The following KCNH7 variants were observed in gnomAD, a reference collection of about 807,000 sequenced individuals.
The protein encoded by KCNH7 is potassium voltage-gated channel subfamily H member 7.
In KCNH7, 49 loss-of-function variants were observed where a neutral mutation model predicts 120.8. The ratio of observed to expected loss-of-function variants is 0.41; its 90% CI spans 0.32 to 0.51. KCNH7 has a LOEUF of 0.51. Among genes scored for constraint, KCNH7 ranks in the 20% least tolerant of loss-of-function variants. KCNH7 has a pLI of 0.38. For missense variants in KCNH7, 1,097 were observed against 1,446.6 expected, an observed-to-expected ratio of 0.76 and a Z score of 3.92; for synonymous variants, 547 against 516.1, an observed-to-expected ratio of 1.06 and a Z score of -0.81.
chr2:162,470,264 G>A (rs1213565370), intron 6 of KCNH7, among the ~76,000 whole-genome samples: 1 of 151,932 alleles, frequency 6.6e-6, no homozygotes, highest in Non-Finnish European at 1.5e-5. Flanking sequence ...GAAGTGAGGA[G>A]CGTCTCTGCC....
intron 2 of KCNH7, among the ~76,000 whole-genome samples, chr2:162,801,343 A>G (rs1684342002): frequency 6.6e-6 from 1 of 151,808 alleles, no homozygotes. Flanking sequence ...CAGGAATAGC[A>G]ATTCTCAACA....
chr2:162,786,114 G>A (rs977483434), intron 2 of KCNH7, among the ~76,000 whole-genome samples: 3 of 151,886 alleles, frequency 2.0e-5, no homozygotes, highest in Non-Finnish European at 2.9e-5. Flanking sequence ...ATGGTGGTGT[G>A]TGCCTGTAAT....
chr2:162,472,965 G>A (rs548144528), intron 6 of KCNH7, among the ~76,000 whole-genome samples: 11 of 152,086 alleles, frequency 7.2e-5, no homozygotes, highest in South Asian at 4.2e-4. Context: ...GCAAAGTATC[G>A]CAAGGACAAA....
intron 9 of KCNH7, among the ~76,000 whole-genome samples, chr2:162,411,445 T>C (rs1372006381): frequency 6.6e-6 from 1 of 151,892 alleles, no homozygotes; most frequent in Non-Finnish European, 1.5e-5. Context: ...CAATAGACAT[T>C]GAGGACTGCT....
chr2:162,391,014 T>A (rs1686729737), intron 12 of KCNH7, among the ~76,000 whole-genome samples: 1 of 151,802 alleles, frequency 6.6e-6, no homozygotes, highest in Admixed American at 6.6e-5. Flanking sequence ...AGCCGGCAAA[T>A]TTGCATTGTT....
intron 2 of KCNH7, among the ~76,000 whole-genome samples, chr2:162,590,015 A>G (rs1182017884): frequency 6.6e-6 from 1 of 152,118 alleles, no homozygotes; most frequent in African/African-American, 2.4e-5. Flanking sequence ...ATGGAAAATT[A>G]GATTATTTTA....
chr2:162,671,699 A>G (rs1432980088), intron 2 of KCNH7, among the ~76,000 whole-genome samples: 1 of 152,058 alleles, frequency 6.6e-6, no homozygotes, highest in Non-Finnish European at 1.5e-5. Context: ...CATGACATGC[A>G]CAACTGTAGC....
At chr2:162,740,587 C>T (rs35493094) in intron 2 of KCNH7, among the ~76,000 whole-genome samples, 3,237 of 152,222 alleles carry the variant, frequency 0.021, 70 homozygotes, top group East Asian at 0.11. Flanking sequence ...ACAGTCATAC[C>T]GTGCTCAACA....
chr2:162,432,626 A>T (rs1165005405), intron 8 of KCNH7, among the ~76,000 whole-genome samples: 3 of 152,052 alleles, frequency 2.0e-5, no homozygotes, highest in African/African-American at 7.2e-5. Context: ...TTTCCTGATT[A>T]AAAACGCTCA....
intron 2 of KCNH7, among the ~76,000 whole-genome samples, chr2:162,608,134 T>C (rs1216045119): frequency 6.6e-6 from 1 of 152,190 alleles, no homozygotes; most frequent in Non-Finnish European, 1.5e-5. Flanking sequence ...AAAGGAGTCA[T>C]GTTCTAAATA....
intron 14 of KCNH7, among the ~76,000 whole-genome samples, chr2:162,378,846 C>T (rs1686307451): frequency 6.6e-6 from 1 of 152,162 alleles, no homozygotes; most frequent in African/African-American, 2.4e-5. Context: ...GTATACTATA[C>T]CTTGTATCCT....
chr2:162,469,446 G>A (rs1689420930), intron 6 of KCNH7, among the ~76,000 whole-genome samples: 1 of 152,162 alleles, frequency 6.6e-6, no homozygotes, highest in African/African-American at 2.4e-5. Flanking sequence ...AAGGAAGCAG[G>A]AGGAATTGAC....
chr2:162,698,225 T>G (rs1465401804), intron 2 of KCNH7, among the ~76,000 whole-genome samples: 1 of 152,104 alleles, frequency 6.6e-6, no homozygotes, highest in Admixed American at 6.6e-5. Flanking sequence ...ACTACCGATA[T>G]CAATGAGAAA....
chr2:162,739,151 G>A (rs557098817), intron 2 of KCNH7, among the ~76,000 whole-genome samples: 1 of 152,136 alleles, frequency 6.6e-6, no homozygotes, highest in South Asian at 2.1e-4. Flanking sequence ...TCTTATAAAT[G>A]AGCTTCTGCC....
chr2:162,428,848 G>A (rs186916534), intron 8 of KCNH7, among the ~76,000 whole-genome samples: 1 of 151,766 alleles, frequency 6.6e-6, no homozygotes, highest in East Asian at 1.9e-4. Context: ...CTTATGATTA[G>A]GATTTGTATG....
intron 2 of KCNH7, among the ~76,000 whole-genome samples, chr2:162,820,569 T>A (rs562253148): frequency 5.9e-5 from 9 of 152,266 alleles, no homozygotes; most frequent in African/African-American, 1.9e-4. Context: ...GTTAGTTGAA[T>A]CTGCAAGGGA....
intron 2 of KCNH7, among the ~76,000 whole-genome samples, chr2:162,640,244 G>C (rs1259049956): frequency 6.6e-6 from 1 of 152,038 alleles, no homozygotes; most frequent in Non-Finnish European, 1.5e-5. Context: ...AATAGTTTTA[G>C]AGCAATTTGA....
intron 2 of KCNH7, among the ~76,000 whole-genome samples, chr2:162,638,208 A>C (rs16847045): frequency 0.11 from 16,654 of 152,002 alleles, 1,709 homozygotes; most frequent in East Asian, 0.3. Flanking sequence ...CAATGACAAA[A>C]CTCACGAGAA....
chr2:162,503,247 A>G lies in KCNH7; in HGVS notation c.1128+1196T>C, dbSNP rs1219108242. 3.3e-5 allele frequency among the ~76,000 whole-genome samples: 5 copies of G among 152,016 alleles called. No homozygotes were observed. The East Asian group carries it at 5.8e-4, about 18-fold the overall frequency. On this transcript the variant is annotated intron_variant, in intron 6 of 15. Coordinates refer to ENST00000332142, the MANE Select transcript of KCNH7 (RefSeq NM_033272.4). ...AGTCTCTTGATTCCTATATATTCATATAATGGTAGGAATCTATAAATAATA... is the reference window on the plus strand; with the variant it reads ...AGTCTCTTGATTCCTATATATTCATGTAATGGTAGGAATCTATAAATAATA...
Sources: gnomAD v4.1 joint callset for allele counts (sites outside exome capture counted in the v4.1 genomes callset) on GRCh38, gnomAD v4.1.1 for gene constraint, MANE v1.5 for transcripts, NCBI Gene and HGNC (gene_info 2026-07-23, HGNC 2026-07-21) for gene names.